Variants in PKHD1L1 observed in about 807,000 individuals in gnomAD.
PKHD1L1 encodes PKHD1 like 1, also known as fibrocystin-L.
Under a neutral mutation model 462.9 loss-of-function variants are expected in PKHD1L1, and 434 were observed. The observed-to-expected ratio is 0.94, with a 90% CI of 0.87 to 1.02. PKHD1L1 has a LOEUF of 1.02. Ranked by LOEUF, PKHD1L1 falls within the 50% of genes least tolerant of loss-of-function variation. The pLI, the probability that PKHD1L1 is intolerant of heterozygous loss-of-function variation, is 0.00. For synonymous variants in PKHD1L1, 1,781 were observed against 1,750.0 expected (o/e 1.02, Z -0.44); for missense variants, 5,202 against 5,096.1 (o/e 1.02, Z -0.63).
At chr8:109,415,963 A>G (rs891128873) in intron 21 of PKHD1L1, among the ~76,000 whole-genome samples, 2 of 151,614 alleles carry the variant, frequency 1.3e-5, no homozygotes, top group Admixed American at 6.6e-5. Flanking sequence ...TTTGAAGTAT[A>G]TATCTCTGGC....
intron 38 of PKHD1L1, among the ~76,000 whole-genome samples, chr8:109,446,771 A>G (rs2130766128): frequency 6.6e-6 from 1 of 152,252 alleles, no homozygotes; most frequent in African/African-American, 2.4e-5. Flanking sequence ...ATGTATTCAA[A>G]GGTATAAGAG....
In PKHD1L1 at chr8:109,443,748, A is replaced by G; in HGVS notation, c.4637A>G (p.Asn1546Ser). ...CLATEPLCSL[N>S]NTRVKNSKRL... ...GCAACAGAACCCCTGTGCAGCCTGA[A>G]CAATACCAGGGTTAAAAATTCAAAA... Residue 1546 changes from asparagine (N) to serine (S), a missense_variant, in exon 37 of 78, where the codon AAC becomes AGC. By Grantham distance (46) the Asn-to-Ser change is conservative (BLOSUM62 1). Coordinates refer to ENST00000378402, the MANE Select transcript of PKHD1L1 (RefSeq NM_177531.6). 2 of 1,613,834 alleles carry G rather than the reference A, an allele frequency of 1.2e-6. No homozygotes were observed. Among genetic ancestry groups the G allele is most frequent in the South Asian group, 1.1e-5 (1 of 91,066 alleles).
chr8:109,448,414 C>A, intron 39 of PKHD1L1, 23 bp downstream of exon 39: 1 of 1,569,110 alleles, frequency 6.4e-7, no homozygotes, highest in South Asian at 1.2e-5. Context: ...ATGCAAGAAC[C>A]TGCAGATATT....
intron 16 of PKHD1L1, 135 bp from the exon 17 acceptor site, chr8:109,406,200 C>G (rs996364873): frequency 2.8e-6 from 2 of 723,242 alleles, no homozygotes; most frequent in Non-Finnish European, 4.0e-6. Flanking sequence ...TACAATTTCT[C>G]TAAGTGATAA....
chr8:109,375,502 G>T (rs552862123), intron 2 of PKHD1L1, among the ~76,000 whole-genome samples: 1 of 152,098 alleles, frequency 6.6e-6, no homozygotes, highest in South Asian at 2.1e-4. Context: ...CTCTCAACTC[G>T]TCAAAGTCAT....
Position 109,526,815 on chromosome 8 carries a change from T to G in PKHD1L1, c.12516T>G (p.Asp4172Glu), listed in dbSNP as rs1820839681. 1 of 1,560,856 alleles carries G rather than the reference T, an allele frequency of 6.4e-7. No individual in the cohort carries two copies. Among genetic ancestry groups the G allele is most frequent in the African/African-American group, 1.4e-5 (1 of 73,482 alleles). ...GKNYKIEFILDNVVGVESRTF... is the reference protein window; with the variant it reads ...GKNYKIEFILENVVGVESRTF... ...ATTATAAGATTGAATTTATACTGGATAATGTTGTTGGGGTAGAATCCAGAA... is the reference window on the plus strand; with the variant it reads ...ATTATAAGATTGAATTTATACTGGAGAATGTTGTTGGGGTAGAATCCAGAA... The change falls in exon 77 of 78, where the codon GAT becomes GAG. Residue 4172 changes from aspartate (D) to glutamate (E), a missense_variant. Asp to Glu is a conservative substitution (Grantham distance 45). Around this residue, in one of 3 missense-constraint regions of PKHD1L1, gnomAD observed 698 missense variants for 736.3 expected, o/e 0.95. Coordinates refer to ENST00000378402, the MANE Select transcript of PKHD1L1 (RefSeq NM_177531.6).
At chr8:109,463,069 C>G (rs747617184) in intron 48 of PKHD1L1, among the ~76,000 whole-genome samples, 2 of 152,014 alleles carry the variant, frequency 1.3e-5, no homozygotes, top group Non-Finnish European at 2.9e-5. Flanking sequence ...AACATAAGCT[C>G]TATTATTTTA....
chr8:109,403,953 G>A (rs1484492438), intron 14 of PKHD1L1, among the ~76,000 whole-genome samples: 2 of 152,072 alleles, frequency 1.3e-5, no homozygotes, highest in Non-Finnish European at 2.9e-5. Context: ...TACACAGTAG[G>A]ATGAGGGGCA....
rs375212420 is a variant in PKHD1L1, at chr8:109,451,974, T to C, written c.6351-150T>C. The C allele has an allele frequency of 2.7e-5, 17 of 636,528 alleles. No individual in the cohort carries two copies. In the African/African-American group the frequency reaches 3.1e-4, roughly 11 times the overall value. 39.4% of individuals were successfully genotyped at this position (636,528 alleles called of 1,614,324 possible). On this transcript the variant is annotated intron_variant, in intron 41 of 77. Coordinates refer to ENST00000378402, the MANE Select transcript of PKHD1L1 (RefSeq NM_177531.6). ...TTCAATAAATATTTTGAAGTCTTAA[T>C]ATTGAAAAAAAGCATCAATCTACAC...
chr8:109,485,183 T>C lies in PKHD1L1; in HGVS notation c.9706+10T>C. 1.5e-5 allele frequency: 24 copies of C among 1,552,814 alleles called. No individual in the cohort carries two copies. Among genetic ancestry groups the C allele is most frequent in the Non-Finnish European group, 2.1e-5 (24 of 1,145,432 alleles). ...TCCTATACTCACTTTGGTAAGTGGA[T>C]GCTTTTTAACCAAATAGATATATAA... On this transcript the variant is annotated intron_variant, in intron 58 of 77. Transcript: ENST00000378402.
At chr8:109,436,592 T>C in intron 30 of PKHD1L1, 133 bp downstream of exon 30, 2 of 1,363,826 alleles carry the variant, frequency 1.5e-6, no homozygotes, top group Non-Finnish European at 1.9e-6. Flanking sequence ...ATTATGCTCC[T>C]TAAAACTTAT....
In PKHD1L1 at chr8:109,442,013, G is replaced by T; in HGVS notation, c.4211G>T (p.Gly1404Val). 6.3e-7 allele frequency: 1 copy of T among 1,593,818 alleles called. No homozygotes were observed. The highest frequency in any genetic ancestry group is 8.5e-7 in the Non-Finnish European group (1 of 1,172,052). ...ACTCAATTCTTGCCCCCAGTACATGGATTAGGTTATGCCTGGTCACCACCA... is the reference window on the plus strand; with the variant it reads ...ACTCAATTCTTGCCCCCAGTACATGTATTAGGTTATGCCTGGTCACCACCA... The part of the protein sequence containing the change: ...ITNNGKDSVH[G>V]LGYAWSPPVL... Residue 1404 changes from glycine (G) to valine (V), a missense_variant, in exon 35 of 78, where the codon GGA (glycine) becomes GTA (valine). Physicochemically the swap from Gly to Val is moderately radical, Grantham distance 109. This residue lies in a region of PKHD1L1 where 4,497 missense variants were observed against 4,336.8 expected (regional missense o/e 1.04). Transcript: ENST00000378402.
intron 36 of PKHD1L1, among the ~76,000 whole-genome samples, 182 bp downstream of exon 36, chr8:109,443,298 T>C (rs892139823): frequency 3.9e-5 from 6 of 152,194 alleles, no homozygotes; most frequent in Admixed American, 6.5e-5. Context: ...ATCGCATTAA[T>C]GTCTTCCTAC....
intron 49 of PKHD1L1, 21 bp from the exon 50 acceptor site, chr8:109,466,557 T>TTTTG: frequency 6.5e-7 from 1 of 1,543,364 alleles, no homozygotes. Flanking sequence ...AAAAAACATA[T>TTTTG]TTTGTTTGTT....
intron 73 of PKHD1L1, 101 bp from the exon 74 acceptor site, chr8:109,522,085 T>C (rs775726315): frequency 8.5e-6 from 10 of 1,171,946 alleles, no homozygotes; most frequent in Non-Finnish European, 1.2e-5. Context: ...AATTCTATAA[T>C]GTGATGGAGC....
chr8:109,430,388 A>C (rs1815030146), intron 27 of PKHD1L1, among the ~76,000 whole-genome samples: 1 of 152,154 alleles, frequency 6.6e-6, no homozygotes, highest in Non-Finnish European at 1.5e-5. Context: ...TATTAAGTGG[A>C]GTCTTTTATT....
At chr8:109,497,587 T>G (rs1819177546) in intron 65 of PKHD1L1, among the ~76,000 whole-genome samples, 1 of 151,786 alleles carries the variant, frequency 6.6e-6, no homozygotes, top group Non-Finnish European at 1.5e-5. Flanking sequence ...CCACCACGCC[T>G]GGCTAATTTT....
rs1157185868 is a variant in PKHD1L1, at chr8:109,400,323, G to T, written c.1260G>T (p.Gln420His). 3 of 1,613,004 alleles carry T rather than the reference G, an allele frequency of 1.9e-6. No individual in the cohort carries two copies. The highest frequency in any genetic ancestry group is 2.7e-5 in the African/African-American group (2 of 74,960). The change falls in exon 13 of 78, where the codon CAG becomes CAT. Residue 420 changes from glutamine to histidine, a missense_variant. Physicochemically the swap from Gln to His is conservative, Grantham distance 24. Around this residue, in one of 3 missense-constraint regions of PKHD1L1, gnomAD observed 4,497 missense variants for 4,336.8 expected, o/e 1.04. Coordinates refer to ENST00000378402, the MANE Select transcript of PKHD1L1 (RefSeq NM_177531.6). ...ACCGTTATGCTATTTATTTTAGCCA[G>T]ACTGGACTTCCAGAAGATAAGGTAG... The part of the protein sequence containing the change: ...GDDRYAIYFS[Q>H]TGLPEDKVRI...
At chr8:109,393,170 T>C (rs1457290) in intron 9 of PKHD1L1, among the ~76,000 whole-genome samples, 90,175 of 151,766 alleles carry the variant, frequency 0.59, 27,381 homozygotes, top group African/African-American at 0.71. Flanking sequence ...CTAGTATGAA[T>C]TTCTTAAGTA....
Sources: gnomAD v4.1 joint callset for allele counts (sites outside exome capture counted in the v4.1 genomes callset) on GRCh38, gnomAD v4.1.1 for gene constraint, gnomAD v4.1.1 regional missense constraint, MANE v1.5 for transcripts, NCBI Gene and HGNC (gene_info 2026-07-23, HGNC 2026-07-21) for gene names.